The following NR2C2 variants were observed in gnomAD, a reference collection of about 807,000 sequenced individuals.
The protein encoded by NR2C2 is nuclear receptor subfamily 2 group C member 2, also known as Nuclear hormone receptor TR4.
NR2C2 carries 6 observed loss-of-function variants against 62.9 expected under a neutral mutation model. The observed-to-expected ratio is 0.10, with a 90% CI of 0.05 to 0.19. The LOEUF is 0.19. Ranked by LOEUF, NR2C2 falls within the 10% of genes least tolerant of loss-of-function variation. The probability of loss-of-function intolerance (pLI) is 1.00; values close to 1 mark genes in which losing one functional copy is unlikely to be tolerated. For missense variants in NR2C2, 479 were observed against 762.7 expected (o/e 0.63, Z 4.38); for synonymous variants, 272 against 273.8 (o/e 0.99, Z 0.07).
At chr3:15,041,599 A>T (rs911436181) in intron 13 of NR2C2, among the ~76,000 whole-genome samples, 3 of 152,222 alleles carry the variant, frequency 2.0e-5, no homozygotes, top group African/African-American at 7.2e-5. Flanking sequence ...CACACCTGTA[A>T]TTCCAACACT....
intron 1 of NR2C2, among the ~76,000 whole-genome samples, chr3:14,989,729 T>C (rs1013338360): frequency 1.3e-5 from 2 of 151,882 alleles, no homozygotes; most frequent in South Asian, 2.1e-4. Flanking sequence ...GGTCAGGAGC[T>C]TGAGACCAGC....
intron 1 of NR2C2, among the ~76,000 whole-genome samples, chr3:14,976,973 A>G (rs1229259404): frequency 1.3e-5 from 2 of 151,848 alleles, no homozygotes; most frequent in African/African-American, 2.4e-5. Flanking sequence ...TTTTTCATAA[A>G]TGATACCGTG....
intron 2 of NR2C2, among the ~76,000 whole-genome samples, chr3:15,009,507 T>G (rs1269662382): frequency 6.6e-6 from 1 of 152,168 alleles, no homozygotes; most frequent in African/African-American, 2.4e-5. Context: ...TCAAACAAAT[T>G]CATCTTTTCA....
chr3:14,970,030 A>C lies in NR2C2; in HGVS notation c.-40+22124A>C, dbSNP rs566698306. ...ATCCTGCCCTCTAACTGGATGTTTA[A>C]ATTTTCATTTTCTTGTCAAAGTAGT... On this transcript the variant is annotated intron_variant, in intron 1 of 13. Coordinates refer to ENST00000425241, the MANE Select transcript of NR2C2 (RefSeq NM_001291694.2). 2.0e-5 allele frequency among the ~76,000 whole-genome samples: 3 copies of C among 152,308 alleles called. No homozygotes were observed. The South Asian group carries it at 6.2e-4, about 32-fold the overall frequency.
chr3:14,970,992 C>A (rs886969879), intron 1 of NR2C2, among the ~76,000 whole-genome samples: 1 of 152,132 alleles, frequency 6.6e-6, no homozygotes, highest in African/African-American at 2.4e-5. Flanking sequence ...AGAAATTCAA[C>A]AATTTATTAT....
At chr3:14,972,365 G>A (rs2040069283) in intron 1 of NR2C2, among the ~76,000 whole-genome samples, 4 of 151,882 alleles carry the variant, frequency 2.6e-5, no homozygotes, top group Non-Finnish European at 5.9e-5. Context: ...AGTAGAGACA[G>A]AGTTTCACCA....
chr3:15,030,957 C>A (rs887323766), intron 9 of NR2C2, among the ~76,000 whole-genome samples: 1 of 152,198 alleles, frequency 6.6e-6, no homozygotes, highest in African/African-American at 2.4e-5. Flanking sequence ...CTTCACTTGT[C>A]TTTTGCTCAC....
In NR2C2 at chr3:15,048,832, GA is replaced by G. The variant is rs1399925818; in HGVS notation, c.*5826del. 3.3e-5 allele frequency: 5 copies of G among 152,628 alleles called. No homozygotes were observed. The highest frequency in any genetic ancestry group is 7.3e-5 in the Non-Finnish European group (5 of 68,034). The allele number at this position is 152,628 out of a possible 1,614,324, so 9.5% of individuals were successfully genotyped here. ...ACCTGTAGTTTGGACTTCTCTGTTA[GA>G]ATGTAACTGCATTACCAGCCCTTTT... On this transcript the variant is annotated 3_prime_UTR_variant, in exon 14 of 14. Transcript: ENST00000425241.
At chr3:15,014,735 A>G (rs972211007) in intron 3 of NR2C2, among the ~76,000 whole-genome samples, 1 of 152,138 alleles carries the variant, frequency 6.6e-6, no homozygotes, top group Non-Finnish European at 1.5e-5. Context: ...ATATAAGTGA[A>G]ATCAGCCTTT....
chr3:15,028,904 A>T (rs927379800), intron 8 of NR2C2, among the ~76,000 whole-genome samples, 185 bp downstream of exon 8: 2 of 152,214 alleles, frequency 1.3e-5, no homozygotes, highest in Admixed American at 6.5e-5. Flanking sequence ...CACCTATGTT[A>T]TACAGTATAA....
intron 1 of NR2C2, among the ~76,000 whole-genome samples, chr3:14,961,912 T>A (rs751982770): frequency 2.0e-5 from 3 of 152,364 alleles, no homozygotes; most frequent in Middle Eastern, 3.4e-3. Context: ...AGTATTTGCC[T>A]TTCAACCTGT....
intron 9 of NR2C2, among the ~76,000 whole-genome samples, chr3:15,031,216 AAGT>A (rs2041971026): frequency 6.6e-6 from 1 of 152,172 alleles, no homozygotes; most frequent in South Asian, 2.1e-4. Flanking sequence ...GAGCCACAGA[AAGT>A]AGATCCCTTG....
chr3:15,022,316 G>A (rs961822704), intron 5 of NR2C2, among the ~76,000 whole-genome samples: 1 of 151,942 alleles, frequency 6.6e-6, no homozygotes, highest in Non-Finnish European at 1.5e-5. Context: ...AATTAGAAGG[G>A]TTCCTCTACA....
intron 1 of NR2C2, among the ~76,000 whole-genome samples, chr3:14,983,490 C>CAT (rs1410847038): frequency 6.6e-6 from 1 of 151,322 alleles, no homozygotes. Context: ...CACACACACA[C>CAT]ACACATTCTT....
chr3:15,008,567 T>C (rs751178827), intron 2 of NR2C2, among the ~76,000 whole-genome samples: 1 of 152,000 alleles, frequency 6.6e-6, no homozygotes. Flanking sequence ...ACAAAAGTTA[T>C]CCAGTGGCTG....
intron 1 of NR2C2, among the ~76,000 whole-genome samples, chr3:14,951,992 T>C (rs958110731): frequency 2.0e-5 from 3 of 152,300 alleles, no homozygotes; most frequent in African/African-American, 7.2e-5. Context: ...GTGATCCGCC[T>C]GCCTCGGCCT....
At chr3:14,948,967 A>T (rs1051875882) in intron 1 of NR2C2, among the ~76,000 whole-genome samples, 1 of 152,190 alleles carries the variant, frequency 6.6e-6, no homozygotes, top group Non-Finnish European at 1.5e-5. Context: ...TGCGAGCTTC[A>T]GAGTCACTTG....
In NR2C2 at chr3:15,034,684, C is replaced by G. The variant is rs775122322; in HGVS notation, c.1247C>G (p.Thr416Ser). ...AFQALGQDCNTSLVRACWNEL... is the reference protein window; with the variant it reads ...AFQALGQDCNSSLVRACWNEL... ...TATATTCCTAGGCAGGACTGCAACA[C>G]CAGCCTTGTGCGGGCCTGCTGGAAT... is the stretch of plus-strand genomic sequence containing the variant. Residue 416 changes from threonine to serine, a missense_variant, in exon 11 of 14, where the codon ACC (threonine) becomes AGC (serine). Around this residue, in one of 4 missense-constraint regions of NR2C2, gnomAD observed 162 missense variants for 296.8 expected, o/e 0.55. Transcript: ENST00000425241. The G allele has an allele frequency of 6.2e-7, 1 of 1,614,104 alleles. No individual in the cohort carries two copies. Among genetic ancestry groups the G allele is most frequent in the Non-Finnish European group, 8.5e-7 (1 of 1,179,984 alleles).
At chr3:14,981,900 C>A (rs1391656419) in intron 1 of NR2C2, among the ~76,000 whole-genome samples, 1 of 152,220 alleles carries the variant, frequency 6.6e-6, no homozygotes, top group Non-Finnish European at 1.5e-5. Context: ...TCTAGTCCTT[C>A]CATGTTCCTC....
Sources: allele counts gnomAD v4.1 joint callset (sites outside exome capture counted in the v4.1 genomes callset), GRCh38; gene constraint gnomAD v4.1.1; regional missense constraint gnomAD v4.1.1; transcripts MANE v1.5; gene names NCBI Gene and HGNC (gene_info 2026-07-23, HGNC 2026-07-21).